Variants in ERLIN1 observed in about 807,000 individuals in gnomAD.
The protein encoded by ERLIN1 is erlin-1.
ERLIN1 carries 24 observed loss-of-function variants against 46.9 expected under a neutral mutation model. The ratio of observed to expected loss-of-function variants is 0.51; its 90% CI spans 0.37 to 0.72. The LOEUF (loss-of-function observed/expected upper bound fraction) is 0.72. Among genes scored for constraint, ERLIN1 ranks in the 30% least tolerant of loss-of-function variants. The pLI is 0.00. For synonymous variants in ERLIN1, 158 were observed against 143.2 expected, an observed-to-expected ratio of 1.10 and a Z score of -0.74; for missense variants, 293 against 417.9, an observed-to-expected ratio of 0.70 and a Z score of 2.61.
At position 100,174,300 on chromosome 10, in the gene ERLIN1, AC is replaced by A. The variant is rs1844169352; in HGVS notation, c.431-20del. On this transcript the variant is annotated intron_variant, in intron 5 of 10. Coordinates refer to ENST00000421367, the MANE Select transcript of ERLIN1 (RefSeq NM_006459.4). The stretch of plus-strand genomic sequence containing the variant: ...ATTTGATCTGTTTTTTAAGCCAAGA[AC>A]AACAGATCTCATGATAGTCAATTTT... 1 of 1,536,396 alleles carries A rather than the reference AC, an allele frequency of 6.5e-7. No individual in the cohort carries two copies. Among genetic ancestry groups the A allele is most frequent in the African/African-American group, 1.4e-5 (1 of 72,248 alleles).
chr10:100,176,911 C>T (rs372975705), intron 4 of ERLIN1, among the ~76,000 whole-genome samples: 76 of 152,264 alleles, frequency 5.0e-4, no homozygotes, highest in African/African-American at 1.7e-3. Flanking sequence ...TCATTTGAGT[C>T]AGGAGTTCAA....
Position 100,185,757 on chromosome 10 carries a change from C to T in ERLIN1, c.-131G>A. ...GCAGGCTGAGCCGGGGAGTCCAGTA[C>T]CCCTGTCCCCTCATTCTTCCCTTCT... On this transcript the variant is annotated 5_prime_UTR_variant, in exon 1 of 11. Coordinates refer to ENST00000421367, the MANE Select transcript of ERLIN1 (RefSeq NM_006459.4). 2.9e-6 allele frequency: 2 copies of T among 683,222 alleles called. No homozygotes were observed. The highest frequency in any genetic ancestry group is 2.5e-5 in the Admixed American group (1 of 40,032). 42.3% of individuals were successfully genotyped at this position (683,222 alleles called of 1,614,324 possible). A position where few individuals can be genotyped will look rare whatever the true frequency, so the allele number is the denominator to read the frequency against.
intron 1 of ERLIN1, among the ~76,000 whole-genome samples, chr10:100,184,391 C>T (rs925337652): frequency 2.6e-5 from 4 of 152,026 alleles, no homozygotes; most frequent in African/African-American, 9.7e-5. Flanking sequence ...CAAGACTATA[C>T]AAATAAATAG....
At chr10:100,154,975 C>T (rs1170702706) in intron 9 of ERLIN1, 36 bp from the exon 10 acceptor site, 1 of 1,547,054 alleles carries the variant, frequency 6.5e-7, no homozygotes, top group African/African-American at 1.4e-5. Context: ...TCAATCCATT[C>T]CCTCAGCTAG....
intron 2 of ERLIN1, among the ~76,000 whole-genome samples, chr10:100,181,164 A>C (rs1231230617): frequency 6.6e-6 from 1 of 152,218 alleles, no homozygotes; most frequent in East Asian, 1.9e-4. Context: ...TCTCTAGCCA[A>C]TTTTCAAACT....
rs1006122351 is a variant in ERLIN1, at chr10:100,184,539, C to T, written c.114-702G>A. Among the ~76,000 whole-genome samples the T allele has an allele frequency of 3.9e-5, 6 of 152,136 alleles. No homozygotes were observed. In the East Asian group the frequency reaches 7.7e-4, roughly 20 times the overall value. On this transcript the variant is annotated intron_variant, in intron 1 of 10. Transcript: ENST00000421367. The stretch of plus-strand genomic sequence containing the variant: ...TTGTAAATTCATAGAACTTAGCTAC[C>T]GGTCTTGAAAATATAAACACATTTG...
chr10:100,157,007 C>G (rs576473636), intron 8 of ERLIN1, among the ~76,000 whole-genome samples: 1 of 151,896 alleles, frequency 6.6e-6, no homozygotes, highest in African/African-American at 2.4e-5. Context: ...AGAGTGAGGC[C>G]CTGCCTCAAA....
At chr10:100,183,970 A>G (rs994570433) in intron 1 of ERLIN1, 133 bp from the exon 2 acceptor site, 1 of 625,500 alleles carries the variant, frequency 1.6e-6, no homozygotes, top group South Asian at 2.0e-5. Flanking sequence ...TGAATTGCTC[A>G]TAATGAACAA....
intron 10 of ERLIN1, among the ~76,000 whole-genome samples, chr10:100,153,911 A>G (rs1842933279): frequency 6.6e-6 from 1 of 152,118 alleles, no homozygotes; most frequent in South Asian, 2.1e-4. Flanking sequence ...GTTCATTTTA[A>G]AATTTATATT....
At position 100,150,895 on chromosome 10, in the gene ERLIN1, A is replaced by C. The variant is rs757396134; in HGVS notation, c.*1236T>G. On this transcript the variant is annotated 3_prime_UTR_variant, in exon 11 of 11. Transcript: ENST00000421367. ...CTCTGTTGTTTCTCATGGAAAATTA[A>C]ATTCACTGGCTGCCCAGGACGTCAG... The C allele has an allele frequency of 6.6e-6, 1 of 152,222 alleles. No individual in the cohort carries two copies. Among genetic ancestry groups the C allele is most frequent in the Non-Finnish European group, 1.5e-5 (1 of 68,042 alleles). 9.4% of individuals were successfully genotyped at this position (152,222 alleles called of 1,614,324 possible).
chr10:100,176,130 T>C, intron 4 of ERLIN1, 60 bp from the exon 5 acceptor site: 8 of 1,503,388 alleles, frequency 5.3e-6, no homozygotes, highest in Non-Finnish European at 7.2e-6. Flanking sequence ...TACCTTCAAA[T>C]TCAGCCAGGG....
rs1232370125 is a variant in ERLIN1 at position 100,167,338 on chromosome 10, T to C, written c.563+10A>G. 5 of 1,598,668 alleles carry C rather than the reference T, an allele frequency of 3.1e-6. No homozygotes were observed. In the South Asian group the frequency reaches 3.3e-5, roughly 11 times the overall value. On this transcript the variant is annotated intron_variant, in intron 7 of 10. Transcript: ENST00000421367. ...AACAGAAATATTGGGATCCCATGCA[T>C]ATTACTCACATTAACTCAAAATTTC...
At chr10:100,155,004 A>C in intron 9 of ERLIN1, 65 bp from the exon 10 acceptor site, 1 of 1,305,628 alleles carries the variant, frequency 7.7e-7, no homozygotes, top group Non-Finnish European at 1.1e-6. Flanking sequence ...CCCTTTCCCC[A>C]CTGCTTAATA....
chr10:100,154,156 G>A (rs530012045), intron 10 of ERLIN1, among the ~76,000 whole-genome samples: 9 of 152,064 alleles, frequency 5.9e-5, no homozygotes, highest in South Asian at 4.2e-4. Context: ...GAATACTATC[G>A]GAGTTCTAGC....
chr10:100,178,069 G>GA, intron 4 of ERLIN1, 64 bp downstream of exon 4: 2 of 1,013,072 alleles, frequency 2.0e-6, no homozygotes, highest in South Asian at 2.9e-5. Context: ...ATTCCTCAAA[G>GA]AATCTCTCAG....
chr10:100,167,095 A>G (rs1448072961), intron 7 of ERLIN1, among the ~76,000 whole-genome samples: 2 of 152,246 alleles, frequency 1.3e-5, no homozygotes, highest in Non-Finnish European at 1.5e-5. Flanking sequence ...AGCTTCCAGC[A>G]ATAGTTTTAC....
Position 100,150,998 on chromosome 10 carries a change from G to A in ERLIN1, c.*1133C>T, listed in dbSNP as rs781487044. Reference sequence around the variant, plus strand: ...AAGCATCTCTGGGCCAGGTGGGAAGGAGACAATGATGACCAAGGATGCTTT... The same window carrying A: ...AAGCATCTCTGGGCCAGGTGGGAAGAAGACAATGATGACCAAGGATGCTTT... On this transcript the variant is annotated 3_prime_UTR_variant, in exon 11 of 11. Coordinates refer to ENST00000421367, the MANE Select transcript of ERLIN1 (RefSeq NM_006459.4). 1 of 152,398 alleles carries A rather than the reference G, an allele frequency of 6.6e-6. No homozygotes were observed. The highest frequency in any genetic ancestry group is 1.5e-5 in the Non-Finnish European group (1 of 68,038). 9.4% of individuals were successfully genotyped at this position (152,398 alleles called of 1,614,324 possible).
chr10:100,171,578 TA>T (rs1330791878), intron 6 of ERLIN1, among the ~76,000 whole-genome samples: 1 of 152,032 alleles, frequency 6.6e-6, no homozygotes, highest in East Asian at 1.9e-4. Flanking sequence ...CCTAATTTTT[TA>T]AAAAAATTTT....
At chr10:100,184,970 C>A (rs1265615126) in intron 1 of ERLIN1, among the ~76,000 whole-genome samples, 1 of 152,090 alleles carries the variant, frequency 6.6e-6, no homozygotes, top group Admixed American at 6.5e-5. Flanking sequence ...GCTCCCACAC[C>A]ACTCCTGTCC....
Sources: gnomAD v4.1 joint callset for allele counts (sites outside exome capture counted in the v4.1 genomes callset) on GRCh38, gnomAD v4.1.1 for gene constraint, MANE v1.5 for transcripts, NCBI Gene and HGNC (gene_info 2026-07-23, HGNC 2026-07-21) for gene names.